Variants in ECT2 observed in about 807,000 individuals in gnomAD.
ECT2 encodes the protein epithelial cell transforming 2, also known as protein ECT2.
ECT2 carries 61 observed loss-of-function variants against 116.9 expected under a neutral mutation model. The ratio of observed to expected loss-of-function variants is 0.52; its 90% CI spans 0.42 to 0.65. The LOEUF is 0.65. Ranked by LOEUF, ECT2 falls within the 30% of genes least tolerant of loss-of-function variation. The probability of loss-of-function intolerance (pLI) is 0.00; values close to 1 mark genes in which losing one functional copy is unlikely to be tolerated. For synonymous variants in ECT2, 358 were observed against 346.4 expected, an observed-to-expected ratio of 1.03 and a Z score of -0.37; for missense variants, 937 against 1,078.7, an observed-to-expected ratio of 0.87 and a Z score of 1.84.
intron 5 of ECT2, among the ~76,000 whole-genome samples, chr3:172,757,714 G>A (rs1310500179): frequency 6.6e-6 from 1 of 151,800 alleles, no homozygotes; most frequent in Non-Finnish European, 1.5e-5. Flanking sequence ...TGCGCCTGGC[G>A]TATACACTAT....
chr3:172,795,393 A>G (rs917460389), intron 18 of ECT2, among the ~76,000 whole-genome samples: 1 of 152,024 alleles, frequency 6.6e-6, no homozygotes, highest in Non-Finnish European at 1.5e-5. Flanking sequence ...GTGGTTAGAC[A>G]GTTTTATGTT....
At chr3:172,817,482 A>G (rs1459916334) in intron 24 of ECT2, among the ~76,000 whole-genome samples, 1 of 152,046 alleles carries the variant, frequency 6.6e-6, no homozygotes, top group Non-Finnish European at 1.5e-5. Context: ...GTTTATACAG[A>G]TCGGTTCCAA....
chr3:172,827,736 T>TAAC, the ECT2 span, among the ~76,000 whole-genome samples: 1 of 152,168 alleles, frequency 6.6e-6, no homozygotes, highest in Non-Finnish European at 1.5e-5. Flanking sequence ...TGACTATAGG[T>TAAC]AACAATAAAC....
intron 14 of ECT2, among the ~76,000 whole-genome samples, chr3:172,776,456 A>G (rs1214274863): frequency 6.6e-6 from 1 of 152,146 alleles, no homozygotes; most frequent in Non-Finnish European, 1.5e-5. Context: ...TTTTTTCTTT[A>G]TCCTCGTAAC....
At chr3:172,808,580 C>T (rs1577025659) in intron 22 of ECT2, among the ~76,000 whole-genome samples, 1 of 152,014 alleles carries the variant, frequency 6.6e-6, no homozygotes, top group East Asian at 1.9e-4. Context: ...GGATGAAATC[C>T]AGGTCCCTAA....
chr3:172,780,987 A>AT (rs1722600062), intron 14 of ECT2, among the ~76,000 whole-genome samples: 1 of 151,766 alleles, frequency 6.6e-6, no homozygotes, highest in Non-Finnish European at 1.5e-5. Flanking sequence ...CAATGTATTC[A>AT]TTTTTTCTGT....
In ECT2 at chr3:172,773,968, T is replaced by C. The variant is rs2108527391; in HGVS notation, c.1494T>C (p.Ile498=). The C allele has an allele frequency of 6.2e-7, 1 of 1,613,134 alleles. No homozygotes were observed. Among genetic ancestry groups the C allele is most frequent in the East Asian group, 2.2e-5 (1 of 44,842 alleles). The stretch of plus-strand genomic sequence containing the variant: ...GACCTATCCTTGCACCAGAGGAGAT[T>C]AAGACTATTTTTGGTAGCATCCCAG... The part of the protein sequence containing the change: ...RGGPILAPEE[I]KTIFGSIPDI... The change falls in exon 14 of 25, where the codon ATT becomes ATC. Residue 498 remains isoleucine, a synonymous_variant. Transcript: ENST00000392692.
intron 12 of ECT2, among the ~76,000 whole-genome samples, chr3:172,767,175 G>A (rs1719590150): frequency 6.6e-6 from 1 of 152,164 alleles, no homozygotes; most frequent in Non-Finnish European, 1.5e-5. Context: ...GGGCGCGGTG[G>A]CCCACGCCTG....
chr3:172,799,455 C>G (rs770813435), intron 18 of ECT2, among the ~76,000 whole-genome samples: 1 of 152,108 alleles, frequency 6.6e-6, no homozygotes, highest in Non-Finnish European at 1.5e-5. Flanking sequence ...CTCTTGATGC[C>G]TATCTTTTTG....
At chr3:172,779,369 T>C (rs1304511135) in intron 14 of ECT2, among the ~76,000 whole-genome samples, 1 of 152,198 alleles carries the variant, frequency 6.6e-6, no homozygotes, top group African/African-American at 2.4e-5. Context: ...ATATTCTTGC[T>C]TTGAGTTTAC....
At chr3:172,759,142 T>C (rs769363406) in intron 6 of ECT2, 73 bp downstream of exon 6, 2 of 1,048,292 alleles carry the variant, frequency 1.9e-6, no homozygotes, top group Non-Finnish European at 2.8e-6. Flanking sequence ...TTTTTTCTTT[T>C]TAGTATTATG....
intron 22 of ECT2, among the ~76,000 whole-genome samples, chr3:172,810,852 T>C (rs1278603558): frequency 1.3e-5 from 2 of 152,170 alleles, no homozygotes; most frequent in Admixed American, 1.3e-4. Context: ...TAATATTATA[T>C]ATCTCAGTGG....
intron 18 of ECT2, among the ~76,000 whole-genome samples, chr3:172,802,331 C>T (rs187722076): frequency 1.0e-3 from 153 of 152,240 alleles, no homozygotes; most frequent in African/African-American, 3.6e-3. Context: ...TCAGGCTGGT[C>T]TCGAACTCCT....
At chr3:172,802,319 G>C (rs866390831) in intron 18 of ECT2, among the ~76,000 whole-genome samples, 43 of 152,094 alleles carry the variant, frequency 2.8e-4, no homozygotes, top group African/African-American at 9.2e-4. Context: ...TCACCATGTT[G>C]GTCAGGCTGG....
In ECT2 at chr3:172,764,274, A is replaced by G. The variant is rs766564342; in HGVS notation, c.1069-4A>G. The G allele has an allele frequency of 4.3e-6, 7 of 1,612,892 alleles. No homozygotes were observed. The East Asian group carries it at 1.1e-4, about 26-fold the overall frequency. ...AAATTGAGCTTGTGTGCTTTTGATT[A>G]CAGGCAAATACTCCTGAGCTCAAGA... On this transcript the variant is annotated splice_polypyrimidine_tract_variant and splice_region_variant and intron_variant, in intron 11 of 24. Coordinates refer to ENST00000392692, the MANE Select transcript of ECT2 (RefSeq NM_001258315.2).
intron 21 of ECT2, 125 bp downstream of exon 21, chr3:172,805,994 A>G (rs1727616213): frequency 1.0e-6 from 1 of 1,002,036 alleles, no homozygotes; most frequent in Non-Finnish European, 1.4e-6. Flanking sequence ...TCAGACTGCT[A>G]AAGTAATTGT....
chr3:172,810,232 A>G (rs1210146260), intron 22 of ECT2, among the ~76,000 whole-genome samples: 4 of 152,200 alleles, frequency 2.6e-5, no homozygotes, highest in Middle Eastern at 3.2e-3. Context: ...TGATAATTAA[A>G]TGCCATGTGC....
At chr3:172,807,271 A>T (rs1727938821) in intron 21 of ECT2, among the ~76,000 whole-genome samples, 1 of 152,200 alleles carries the variant, frequency 6.6e-6, no homozygotes, top group Non-Finnish European at 1.5e-5. Flanking sequence ...AAAAGTCTGT[A>T]CATTTTCAAT....
At chr3:172,762,239 A>G (rs1718446238) in intron 8 of ECT2, among the ~76,000 whole-genome samples, 177 bp from the exon 9 acceptor site, 2 of 152,170 alleles carry the variant, frequency 1.3e-5, no homozygotes, top group African/African-American at 4.8e-5. Flanking sequence ...TTGGGATGAC[A>G]GGACACATCA....
Sources: gnomAD v4.1 joint callset for allele counts (sites outside exome capture counted in the v4.1 genomes callset) on GRCh38, gnomAD v4.1.1 for gene constraint, MANE v1.5 for transcripts, NCBI Gene and HGNC (gene_info 2026-07-23, HGNC 2026-07-21) for gene names.